The following PCSK2 variants were observed in gnomAD, a reference collection of about 807,000 sequenced individuals.
PCSK2 encodes the protein proprotein convertase subtilisin/kexin type 2.
A neutral mutation model predicts 69.7 loss-of-function variants in PCSK2; 14 were observed. The ratio of observed to expected loss-of-function variants is 0.20; its 90% confidence interval spans 0.13 to 0.31. The LOEUF (loss-of-function observed/expected upper bound fraction) is 0.31. PCSK2 is among the 10% of genes least tolerant of loss of function. The pLI is 1.00. For synonymous variants in PCSK2, 307 were observed against 320.7 expected (o/e 0.96, Z 0.46); for missense variants, 544 against 842.5 (o/e 0.65, Z 4.39).
chr20:17,284,502 A>G (rs1340935), intron 2 of PCSK2, among the ~76,000 whole-genome samples: 12 of 152,288 alleles, frequency 7.9e-5, no homozygotes, highest in Admixed American at 7.8e-4. Flanking sequence ...TTGTCAAAGG[A>G]CAAATTACAA....
At chr20:17,450,319 C>T (rs985754318) in intron 8 of PCSK2, among the ~76,000 whole-genome samples, 5 of 152,114 alleles carry the variant, frequency 3.3e-5, no homozygotes, top group South Asian at 2.1e-4. Flanking sequence ...TGAGACACCG[C>T]GCCCGGCTCT....
At chr20:17,430,590 G>C (rs1245191259) in intron 7 of PCSK2, among the ~76,000 whole-genome samples, 1 of 152,166 alleles carries the variant, frequency 6.6e-6, no homozygotes, top group Non-Finnish European at 1.5e-5. Flanking sequence ...TACATCTGGA[G>C]GTTTCTAAAA....
At chr20:17,445,733 G>A (rs1223362427) in intron 8 of PCSK2, among the ~76,000 whole-genome samples, 1 of 152,206 alleles carries the variant, frequency 6.6e-6, no homozygotes, top group African/African-American at 2.4e-5. Context: ...TCCTGCCAAG[G>A]AGCTCTCACG....
intron 5 of PCSK2, among the ~76,000 whole-genome samples, chr20:17,393,098 A>G (rs2031424855): frequency 6.6e-6 from 1 of 152,154 alleles, no homozygotes; most frequent in South Asian, 2.1e-4. Context: ...TAAATGTGCT[A>G]TGATAGGCGT....
chr20:17,423,662 T>A (rs1358480620), intron 6 of PCSK2, among the ~76,000 whole-genome samples: 2 of 151,784 alleles, frequency 1.3e-5, no homozygotes, highest in East Asian at 3.9e-4. Flanking sequence ...AAAGTCACAA[T>A]AAATAAATTT....
At chr20:17,414,714 C>T (rs1390471121) in intron 6 of PCSK2, among the ~76,000 whole-genome samples, 1 of 152,168 alleles carries the variant, frequency 6.6e-6, no homozygotes, top group Non-Finnish European at 1.5e-5. Context: ...ATACCAAAGC[C>T]TGGCAGAGAC....
chr20:17,411,713 C>T (rs151030152), intron 6 of PCSK2, among the ~76,000 whole-genome samples: 2,409 of 152,354 alleles, frequency 0.016, 68 homozygotes, highest in African/African-American at 0.055. Context: ...ACTGCCTCCT[C>T]AAGTGGGTCC....
rs753380363 is a variant in PCSK2 at position 17,295,291 on chromosome 20, T to TAA, written c.282+34947_282+34948insAA. Among the ~76,000 whole-genome samples, 18 of 151,504 alleles carry TAA rather than the reference T, an allele frequency of 1.2e-4. No individual in the cohort carries two copies. In the East Asian group the frequency reaches 3.3e-3, roughly 28 times the overall value. ...ATGCCAGATATTGTTTTAAATGCCA[T>TAA]TATTACCACTTCCCAAGCAAGGAGA... On this transcript the variant is annotated intron_variant, in intron 2 of 11. Coordinates refer to ENST00000262545, the MANE Select transcript of PCSK2 (RefSeq NM_002594.5).
intron 5 of PCSK2, among the ~76,000 whole-genome samples, chr20:17,383,549 C>T (rs2031147764): frequency 6.6e-6 from 1 of 152,044 alleles, no homozygotes; most frequent in South Asian, 2.1e-4. Flanking sequence ...ATGCAATTAA[C>T]AATAGGCCAA....
intron 5 of PCSK2, among the ~76,000 whole-genome samples, chr20:17,379,181 G>T (rs2031018050): frequency 6.6e-6 from 1 of 152,186 alleles, no homozygotes; most frequent in Admixed American, 6.5e-5. Flanking sequence ...CCAGATTTCT[G>T]AACCCATGTC....
intron 10 of PCSK2, among the ~76,000 whole-genome samples, chr20:17,460,353 G>C (rs185172293): frequency 6.8e-4 from 104 of 152,356 alleles, no homozygotes; most frequent in African/African-American, 2.3e-3. Context: ...CCACCCAGTG[G>C]CTTCTGCTTA....
chr20:17,441,703 T>C (rs1256854747), intron 8 of PCSK2, among the ~76,000 whole-genome samples: 1 of 151,916 alleles, frequency 6.6e-6, no homozygotes, highest in Non-Finnish European at 1.5e-5. Context: ...ATAAGACTTA[T>C]TCACTATCAA....
chr20:17,455,810 T>C lies in PCSK2; in HGVS notation c.1102-538T>C, dbSNP rs536867150. Among the ~76,000 whole-genome samples the C allele has an allele frequency of 1.8e-4, 28 of 152,374 alleles. 1 individual carries two copies. In the South Asian group the frequency reaches 5.8e-3, roughly 32 times the overall value. Reference sequence around the variant, plus strand: ...AACAACTCATTTATCTTGTGGACACTGTAACTATAACTGACTATATATCCC... The same window carrying C: ...AACAACTCATTTATCTTGTGGACACCGTAACTATAACTGACTATATATCCC... On this transcript the variant is annotated intron_variant, in intron 9 of 11. Transcript: ENST00000262545.
intron 1 of PCSK2, among the ~76,000 whole-genome samples, chr20:17,228,857 G>T (rs1250162970): frequency 6.6e-6 from 1 of 152,194 alleles, no homozygotes; most frequent in Non-Finnish European, 1.5e-5. Context: ...GGGTCCGCCG[G>T]TGGCGCGCGG....
chr20:17,292,089 A>C (rs1233951870), intron 2 of PCSK2, among the ~76,000 whole-genome samples: 1 of 152,210 alleles, frequency 6.6e-6, no homozygotes, highest in Non-Finnish European at 1.5e-5. Flanking sequence ...TCTATTAGGA[A>C]GGTCGAATAC....
At chr20:17,248,810 A>G (rs906118629) in intron 1 of PCSK2, among the ~76,000 whole-genome samples, 4 of 152,180 alleles carry the variant, frequency 2.6e-5, no homozygotes, top group African/African-American at 9.7e-5. Context: ...ACTCATCTCC[A>G]TCAGGAATTC....
intron 2 of PCSK2, among the ~76,000 whole-genome samples, chr20:17,280,058 A>G (rs144651592): frequency 3.9e-5 from 6 of 152,144 alleles, no homozygotes; most frequent in Non-Finnish European, 8.8e-5. Context: ...ACTATTATCA[A>G]TTTAATGTGT....
At chr20:17,324,971 C>A (rs1437535316) in intron 2 of PCSK2, among the ~76,000 whole-genome samples, 1 of 152,158 alleles carries the variant, frequency 6.6e-6, no homozygotes, top group African/African-American at 2.4e-5. Flanking sequence ...CTTCTCCTTG[C>A]CACACAGTGT....
intron 2 of PCSK2, among the ~76,000 whole-genome samples, chr20:17,263,377 C>T (rs1222313397): frequency 1.3e-5 from 2 of 152,190 alleles, no homozygotes; most frequent in Non-Finnish European, 2.9e-5. Context: ...CTTCTCTTTC[C>T]AGTTCTTCCT....
Sources: allele counts gnomAD v4.1 joint callset (sites outside exome capture counted in the v4.1 genomes callset), GRCh38; gene constraint gnomAD v4.1.1; transcripts MANE v1.5; gene names NCBI Gene and HGNC (gene_info 2026-07-23, HGNC 2026-07-21).